RBFOX1: variants seen among roughly 807,000 people sequenced by gnomAD.
RBFOX1 encodes RNA binding protein fox-1 homolog 1.
In RBFOX1, 8 loss-of-function variants were observed where a neutral mutation model predicts 57.7. That is an observed-to-expected ratio of 0.14 (90% CI 0.08 to 0.25). RBFOX1 has a LOEUF of 0.25. Ranked by LOEUF, RBFOX1 falls within the 10% of genes least tolerant of loss-of-function variation. The pLI is 1.00. For missense variants in RBFOX1, 611 were observed against 548.5 expected (o/e 1.11, Z -1.14); for synonymous variants, 326 against 222.4 (o/e 1.47, Z -4.15).
At chr16:6,091,703 G>T (rs2096177255) in intron 1 of RBFOX1, among the ~76,000 whole-genome samples, 2 of 152,116 alleles carry the variant, frequency 1.3e-5, no homozygotes, top group Non-Finnish European at 1.5e-5. Flanking sequence ...GGTGTCAGGA[G>T]CCTGGAATCC....
intron 4 of RBFOX1, among the ~76,000 whole-genome samples, chr16:7,408,819 G>A (rs1473117236): frequency 1.3e-5 from 2 of 152,274 alleles, no homozygotes; most frequent in East Asian, 1.9e-4. Flanking sequence ...AATGTCTCCA[G>A]ATACTGCCAT....
chr16:7,179,879 C>T lies in RBFOX1; in HGVS notation c.27+127781C>T, dbSNP rs150357965. On this transcript the variant is annotated intron_variant, in intron 4 of 15. Coordinates refer to ENST00000550418, the MANE Select transcript of RBFOX1 (RefSeq NM_018723.4). ...CCTCCTGAATAGCTGGGATAACAGACATCTGCCACCACGTCCAGCTAATTT... is the reference window on the plus strand; with the variant it reads ...CCTCCTGAATAGCTGGGATAACAGATATCTGCCACCACGTCCAGCTAATTT... Among the ~76,000 whole-genome samples the T allele has an allele frequency of 4.0e-3, 613 of 151,950 alleles. 3 individuals carry two copies. Among genetic ancestry groups the T allele is most frequent in the African/African-American group, 0.014 (569 of 41,454 alleles).
intron 1 of RBFOX1, among the ~76,000 whole-genome samples, chr16:6,161,866 T>C (rs1322828905): frequency 2.0e-5 from 3 of 152,176 alleles, no homozygotes; most frequent in Non-Finnish European, 2.9e-5. Context: ...GGGAACAAAC[T>C]TTGAGTAGGT....
At chr16:7,159,299 G>A (rs1028430234) in intron 4 of RBFOX1, among the ~76,000 whole-genome samples, 1 of 152,144 alleles carries the variant, frequency 6.6e-6, no homozygotes, top group African/African-American at 2.4e-5. Flanking sequence ...GGGTGCCATT[G>A]TCACTGCGTC....
intron 4 of RBFOX1, among the ~76,000 whole-genome samples, chr16:5,986,788 C>T (rs1396943240): frequency 6.6e-6 from 1 of 152,178 alleles, no homozygotes; most frequent in East Asian, 1.9e-4. Flanking sequence ...TGTTGAAGGA[C>T]ATGTGGGTTG....
chr16:7,387,213 A>C (rs1459461812), intron 4 of RBFOX1, among the ~76,000 whole-genome samples: 2 of 152,180 alleles, frequency 1.3e-5, no homozygotes, highest in Non-Finnish European at 2.9e-5. Flanking sequence ...GCCACACACC[A>C]ACCATTGTGC....
intron 2 of RBFOX1, among the ~76,000 whole-genome samples, chr16:5,477,981 C>T (rs1342539714): frequency 6.6e-6 from 1 of 152,166 alleles, no homozygotes; most frequent in Admixed American, 6.5e-5. Flanking sequence ...GCCCACCTCA[C>T]TCCCCACTTC....
intron 1 of RBFOX1, among the ~76,000 whole-genome samples, chr16:5,271,761 C>T (rs957953540): frequency 5.3e-5 from 8 of 152,166 alleles, no homozygotes; most frequent in East Asian, 1.9e-4. Flanking sequence ...ACCTTTCCTG[C>T]GCCCCAGCCC....
intron 3 of RBFOX1, among the ~76,000 whole-genome samples, chr16:6,872,217 C>T (rs749903793): frequency 2.0e-5 from 3 of 152,072 alleles, no homozygotes; most frequent in Non-Finnish European, 2.9e-5. Context: ...AGCATGGAGA[C>T]CAGCACATAG....
At chr16:7,663,863 C>T (rs2068457673) in intron 12 of RBFOX1, among the ~76,000 whole-genome samples, 1 of 152,174 alleles carries the variant, frequency 6.6e-6, no homozygotes, top group Non-Finnish European at 1.5e-5. Context: ...TTAGGAAATA[C>T]AAATCAGTTT....
intron 5 of RBFOX1, among the ~76,000 whole-genome samples, chr16:7,539,798 G>A (rs151091591): frequency 6.6e-5 from 10 of 152,292 alleles, no homozygotes; most frequent in African/African-American, 2.2e-4. Flanking sequence ...GATGAAAGAC[G>A]AGAGAGGAGT....
chr16:5,679,939 C>G (rs1408708911), intron 3 of RBFOX1, among the ~76,000 whole-genome samples: 2 of 152,182 alleles, frequency 1.3e-5, no homozygotes, highest in African/African-American at 4.8e-5. Flanking sequence ...TGCTTCCTGT[C>G]ATTGCTCTCT....
chr16:6,992,541 C>G (rs2091658676), intron 3 of RBFOX1, among the ~76,000 whole-genome samples: 1 of 152,024 alleles, frequency 6.6e-6, no homozygotes, highest in Non-Finnish European at 1.5e-5. Flanking sequence ...CCTTGTTCAT[C>G]CCTTCCAAGG....
chr16:6,547,473 C>T lies in RBFOX1; in HGVS notation c.-63-107130C>T, dbSNP rs557122839. On this transcript the variant is annotated intron_variant, in intron 2 of 15. Transcript: ENST00000550418. ...CTTCCATAGTAACTAGATAAAGTAT[C>T]TTTAATTGCTGATAACAGAACAGAC... Among the ~76,000 whole-genome samples the T allele has an allele frequency of 9.2e-5, 14 of 152,182 alleles. No individual in the cohort carries two copies. In the East Asian group the frequency reaches 1.5e-3, roughly 17 times the overall value.
chr16:6,375,461 G>C (rs1249086575), intron 2 of RBFOX1, among the ~76,000 whole-genome samples: 1 of 151,570 alleles, frequency 6.6e-6, no homozygotes, highest in East Asian at 1.9e-4. Context: ...GAAGAAAACT[G>C]GTTGTATTTC....
At chr16:7,029,645 A>C (rs1218118676) in intron 3 of RBFOX1, among the ~76,000 whole-genome samples, 3 of 152,188 alleles carry the variant, frequency 2.0e-5, no homozygotes, top group Admixed American at 2.0e-4. Context: ...ATGAGATTTG[A>C]AATGCGGAAA....
intron 2 of RBFOX1, among the ~76,000 whole-genome samples, chr16:6,564,374 G>A (rs1398051141): frequency 6.6e-6 from 1 of 152,094 alleles, no homozygotes; most frequent in African/African-American, 2.4e-5. Flanking sequence ...GTAAAAACAT[G>A]GTGTGAACCC....
At chr16:6,590,229 A>T (rs2097691271) in intron 2 of RBFOX1, among the ~76,000 whole-genome samples, 2 of 152,240 alleles carry the variant, frequency 1.3e-5, no homozygotes, top group South Asian at 4.2e-4. Flanking sequence ...CTTTTCTTTG[A>T]TTCAGTTCGA....
intron 4 of RBFOX1, among the ~76,000 whole-genome samples, chr16:5,875,641 C>G (rs1478078759): frequency 2.0e-5 from 3 of 152,114 alleles, no homozygotes; most frequent in South Asian, 2.1e-4. Flanking sequence ...TAGGAAATAG[C>G]AGAAGTATCA....
Sources: gnomAD v4.1 joint callset for allele counts (sites outside exome capture counted in the v4.1 genomes callset) on GRCh38, gnomAD v4.1.1 for gene constraint, MANE v1.5 for transcripts, NCBI Gene and HGNC (gene_info 2026-07-23, HGNC 2026-07-21) for gene names.